The following PGAP6 variants were observed in gnomAD, a reference collection of about 807,000 sequenced individuals.
PGAP6 encodes the protein post-GPI attachment to proteins factor 6.
In PGAP6, 62 loss-of-function variants were observed where a neutral mutation model predicts 68.4. The ratio of observed to expected loss-of-function variants is 0.91; its 90% CI spans 0.74 to 1.12. PGAP6 has a LOEUF of 1.12. Ranked by LOEUF, PGAP6 falls within the 50% of genes most tolerant of loss-of-function variation. PGAP6 has a pLI of 0.00. For missense variants in PGAP6, 1,188 were observed against 1,068.5 expected, an observed-to-expected ratio of 1.11 and a Z score of -1.56; for synonymous variants, 575 against 474.0, an observed-to-expected ratio of 1.21 and a Z score of -2.77.
At position 376,633 on chromosome 16, in the gene PGAP6, G is replaced by A. The variant is rs755517531; in HGVS notation, c.815C>T (p.Pro272Leu). Reference sequence around the variant, plus strand: ...CACTTGCAGCCACCGGTCCCAGGGCGGTGAGGGCAGCAGCAGGCGGCAGGG... The same window carrying A: ...CACTTGCAGCCACCGGTCCCAGGGCAGTGAGGGCAGCAGCAGGCGGCAGGG... Reference protein sequence around the residue: ...PWPCRLLLPSPPWDRWLQVTA... With the variant: ...PWPCRLLLPSLPWDRWLQVTA... Residue 272 changes from proline to leucine, a missense_variant, in exon 5 of 13, where the codon CCG becomes CTG. Physicochemically the swap from Pro to Leu is moderately conservative, Grantham distance 98. Transcript: ENST00000431232. 13 of 1,604,006 alleles carry A rather than the reference G, an allele frequency of 8.1e-6. No individual in the cohort carries two copies. Among genetic ancestry groups the A allele is most frequent in the South Asian group, 3.3e-5 (3 of 90,212 alleles).
At position 371,990 on chromosome 16, in the gene PGAP6, C is replaced by T. The variant is rs542640252; in HGVS notation, c.2313G>A (p.Thr771=). 26 of 1,610,588 alleles carry T rather than the reference C, an allele frequency of 1.6e-5. No individual in the cohort carries two copies. Among genetic ancestry groups the T allele is most frequent in the Admixed American group, 1.3e-4 (8 of 59,922 alleles). The change falls in exon 13 of 13, where the codon ACG becomes ACA. Residue 771 remains threonine, a synonymous_variant. Transcript: ENST00000431232. ...KNDREELYAV[T] is the part of the protein sequence containing the mutation. ...AGCAGCTGTCCCCAGGCCAGTGTCA[C>T]GTCACTGCGTACAGTTCCTCCCGAT...
chr16:378,138 A>T (rs1597163726), intron 1 of PGAP6, among the ~76,000 whole-genome samples: 1 of 127,086 alleles, frequency 7.9e-6, no homozygotes, highest in East Asian at 2.3e-4. Context: ...GTACCTCAGC[A>T]GCCATCGCCA....
At position 377,466 on chromosome 16, in the gene PGAP6, T is replaced by G. The variant is rs1017256670; in HGVS notation, c.419A>C (p.Asn140Thr). 6.2e-7 allele frequency: 1 copy of G among 1,610,442 alleles called. No individual in the cohort carries two copies. Among genetic ancestry groups the G allele is most frequent in the South Asian group, 1.1e-5 (1 of 90,716 alleles). The change falls in exon 3 of 13, where the codon AAT (asparagine) becomes ACT (threonine). Residue 140 changes from asparagine to threonine, a missense_variant. Asn to Thr is a moderately conservative substitution (Grantham distance 65). Transcript: ENST00000431232. ...CGGGTGGGAAACGTTGACGGAGGCA[T>G]TGCTTCTCGGTGTGGTGCTCAGCGG... ...GVPLSTTPRSNASVNVSHPAP... is the reference protein window; with the variant it reads ...GVPLSTTPRSTASVNVSHPAP...
At position 377,859 on chromosome 16, in the gene PGAP6, AAGG is replaced by A. The variant is rs2054401265; in HGVS notation, c.122-14_122-12del. 7.1e-6 allele frequency: 11 copies of A among 1,548,630 alleles called. No individual in the cohort carries two copies. Among genetic ancestry groups the A allele is most frequent in the African/African-American group, 1.4e-5 (1 of 73,210 alleles). Reference sequence around the variant, plus strand: ...ACACCAGCCCCACCTCTGTGAGGAGAAGGAGGTGTCAGCCAGGCCGGGACCCTC... The same window carrying A: ...ACACCAGCCCCACCTCTGTGAGGAGAAGGTGTCAGCCAGGCCGGGACCCTC... On this transcript the variant is annotated splice_polypyrimidine_tract_variant and intron_variant, in intron 1 of 12. Transcript: ENST00000431232.
intron 8 of PGAP6, 96 bp downstream of exon 8, chr16:375,037 G>C (rs1191203831): frequency 1.4e-4 from 226 of 1,576,698 alleles, no homozygotes; most frequent in Non-Finnish European, 1.9e-4. Context: ...CCCTCTAGCT[G>C]GGTCACTCCG....
intron 1 of PGAP6, among the ~76,000 whole-genome samples, chr16:378,917 G>A (rs941597581): frequency 1.1e-4 from 17 of 152,310 alleles, no homozygotes; most frequent in African/African-American, 3.4e-4. Context: ...AGAAGGGCCC[G>A]TGGGAGACAT....
At chr16:384,313 G>T (rs773302528), upstream of PGAP6, 1 of 152,202 alleles carries the variant, frequency 6.6e-6, no homozygotes. Context: ...GAGGGCTGGT[G>T]AACTTGAAGG....
intron 4 of PGAP6, 50 bp from the exon 5 acceptor site, chr16:376,862 G>A: frequency 6.3e-7 from 1 of 1,592,076 alleles, no homozygotes; most frequent in Non-Finnish European, 8.5e-7. Flanking sequence ...CCTCAGCCCA[G>A]GGACGCAGCG....
At position 372,243 on chromosome 16, in the gene PGAP6, G is replaced by C; in HGVS notation, c.2060C>G (p.Ser687Trp). ...CGHRRQCYPT[S>W]WQRWAFYLLP... The stretch of plus-strand genomic sequence containing the variant: ...GAGGTAGAAGGCCCAGCGCTGCCAC[G>C]AGGTGGGGTAGCACTGGCGCCGGTG... Residue 687 changes from serine (S) to tryptophan (W), a missense_variant, in exon 13 of 13, where the codon TCG becomes TGG. By Grantham distance (177) the Ser-to-Trp change is radical (BLOSUM62 -3). Transcript: ENST00000431232. 6.2e-7 allele frequency: 1 copy of C among 1,612,040 alleles called. No homozygotes were observed. Among genetic ancestry groups the C allele is most frequent in the East Asian group, 2.2e-5 (1 of 44,876 alleles).
At chr16:376,866 C>A in intron 4 of PGAP6, 54 bp from the exon 5 acceptor site, 1 of 1,589,192 alleles carries the variant, frequency 6.3e-7, no homozygotes. Context: ...AGCCCAGGGA[C>A]GCAGCGTGCC....
At chr16:372,554 G>A (rs771991182) in intron 12 of PGAP6, 57 bp downstream of exon 12, 4 of 1,369,764 alleles carry the variant, frequency 2.9e-6, no homozygotes, top group African/African-American at 2.9e-5. Flanking sequence ...AGAGCAAGGG[G>A]CCAGGCTCTC....
chr16:375,766 G>A (rs181762860), intron 6 of PGAP6, among the ~76,000 whole-genome samples: 4 of 152,166 alleles, frequency 2.6e-5, no homozygotes, highest in East Asian at 1.9e-4. Context: ...TCCTGACCTC[G>A]TGATCCACCC....
chr16:384,919 T>C (rs1453209118), upstream of PGAP6, among the ~76,000 whole-genome samples: 2 of 151,112 alleles, frequency 1.3e-5, no homozygotes, highest in East Asian at 3.9e-4. Flanking sequence ...TCCCAGCACT[T>C]TGGGAGGCTA....
intron 1 of PGAP6, among the ~76,000 whole-genome samples, chr16:378,204 C>CTGCACTGCCATCGCCACT (rs765503071): frequency 1.1e-5 from 1 of 88,636 alleles, no homozygotes; most frequent in Non-Finnish European, 2.4e-5. Context: ...CCATCGCCAC[C>CTGCACTGCCATCGCCACT]CTGACTGCCA....
intron 1 of PGAP6, among the ~76,000 whole-genome samples, chr16:378,331 C>T (rs1195780918): frequency 6.9e-6 from 1 of 145,004 alleles, no homozygotes; most frequent in Admixed American, 6.8e-5. Flanking sequence ...CATCGCCACC[C>T]GCACTGCCAT....
At chr16:382,091 A>T (rs80164290), upstream of PGAP6, 2,308 of 286,680 alleles carry the variant, frequency 8.1e-3, 103 homozygotes, top group African/African-American at 0.055. Flanking sequence ...GGGCGCCGGT[A>T]GGGGGGAGGG....
chr16:385,772 C>T (rs1567328950), upstream of PGAP6, among the ~76,000 whole-genome samples: 1 of 151,578 alleles, frequency 6.6e-6, no homozygotes, highest in Middle Eastern at 3.4e-3. Flanking sequence ...CTACAGGCGC[C>T]TGCCAACACA....
chr16:375,489 G>T, intron 6 of PGAP6, 54 bp from the exon 7 acceptor site: 1 of 1,507,972 alleles, frequency 6.6e-7, no homozygotes. Context: ...CCGCAGTGGG[G>T]TCATCTGCCC....
chr16:377,578 G>C lies in PGAP6; in HGVS notation c.307C>G (p.Arg103Gly), dbSNP rs757010920. 203 of 1,575,298 alleles carry C rather than the reference G, an allele frequency of 1.3e-4. 2 individuals are homozygous for C. The South Asian group carries it at 2.2e-3, about 17-fold the overall frequency. ...CTDAEITVHF[R>G]SGAPPVINPL... ...TTGATGACCGGAGGGGCGCCGGAAC[G>C]GAAGTGCCTGGAGACGGGAGAGCAG... Residue 103 changes from arginine (R) to glycine (G), a missense_variant, in exon 3 of 13, where the codon CGT (arginine) becomes GGT (glycine). Arg to Gly is a moderately radical substitution (Grantham distance 125). Transcript: ENST00000431232.
Sources: allele counts gnomAD v4.1 joint callset (sites outside exome capture counted in the v4.1 genomes callset), GRCh38; gene constraint gnomAD v4.1.1; transcripts MANE v1.5; gene names NCBI Gene and HGNC (gene_info 2026-07-23, HGNC 2026-07-21).